PDLIM4: variants seen among roughly 807,000 people sequenced by gnomAD.
PDLIM4 encodes the protein PDZ and LIM domain protein 4.
In PDLIM4, 19 loss-of-function variants were observed where a neutral mutation model predicts 31.3. The ratio of observed to expected loss-of-function variants is 0.61; its 90% CI spans 0.42 to 0.89. The LOEUF is 0.89. Among genes scored for constraint, PDLIM4 ranks in the 40% least tolerant of loss-of-function variants. PDLIM4 has a pLI of 0.00. For synonymous variants in PDLIM4, 176 were observed against 190.1 expected, an observed-to-expected ratio of 0.93 and a Z score of 0.61; for missense variants, 442 against 461.1, an observed-to-expected ratio of 0.96 and a Z score of 0.38.
chr5:132,268,608 G>T (rs1285244235), intron 3 of PDLIM4, among the ~76,000 whole-genome samples: 1 of 152,212 alleles, frequency 6.6e-6, no homozygotes, highest in Non-Finnish European at 1.5e-5. Flanking sequence ...ATCCTTCTGG[G>T]TTAGTAGGGT....
Position 132,271,938 on chromosome 5 carries a change from G to A in PDLIM4, c.788+30G>A, listed in dbSNP as rs368641903. The A allele has an allele frequency of 1.3e-5, 20 of 1,593,664 alleles. No individual in the cohort carries two copies. The African/African-American group carries it at 2.0e-4, about 16-fold the overall frequency. On this transcript the variant is annotated intron_variant, in intron 6 of 6. Transcript: ENST00000253754. ...GTAACCGCCCCCGCTGCCCCTCCCG[G>A]ACCCTAGCCTTCCAGGGCCCTGGAT...
In PDLIM4 at chr5:132,271,786, T is replaced by A. The variant is rs767992186; in HGVS notation, c.671-5T>A. The A allele has an allele frequency of 6.3e-7, 1 of 1,595,348 alleles. No homozygotes were observed. Among genetic ancestry groups the A allele is most frequent in the Non-Finnish European group, 8.6e-7 (1 of 1,163,452 alleles). ...CGTTCATGCCACCTACGCTCCGGGT[T>A]TCAGGGGATTGGCCCGGGCCTGGCG... On this transcript the variant is annotated splice_polypyrimidine_tract_variant and splice_region_variant and intron_variant, in intron 5 of 6. Coordinates refer to ENST00000253754, the MANE Select transcript of PDLIM4 (RefSeq NM_003687.4).
At chr5:132,264,645 A>C (rs1026243213) in intron 2 of PDLIM4, among the ~76,000 whole-genome samples, 9 of 151,890 alleles carry the variant, frequency 5.9e-5, no homozygotes, top group African/African-American at 2.2e-4. Flanking sequence ...TGACTTTCTG[A>C]GCCAACATTT....
intron 5 of PDLIM4, 101 bp downstream of exon 5, chr5:132,271,567 C>T (rs1333448699): frequency 2.3e-6 from 3 of 1,281,400 alleles, no homozygotes; most frequent in East Asian, 2.4e-5. Flanking sequence ...CACCTGCCCT[C>T]TTCGGTCTCT....
At chr5:132,264,933 A>G (rs933111876) in intron 2 of PDLIM4, among the ~76,000 whole-genome samples, 3 of 152,030 alleles carry the variant, frequency 2.0e-5, no homozygotes, top group African/African-American at 7.3e-5. Context: ...CACAGAATGA[A>G]AAGTGTATCA....
chr5:132,265,998 G>C (rs1756483432), intron 2 of PDLIM4, among the ~76,000 whole-genome samples: 1 of 152,228 alleles, frequency 6.6e-6, no homozygotes, highest in East Asian at 1.9e-4. Flanking sequence ...ACCCCTCAGA[G>C]CCTCCATTCC....
intron 1 of PDLIM4, among the ~76,000 whole-genome samples, chr5:132,258,593 C>G (rs764068169): frequency 1.3e-5 from 2 of 152,144 alleles, no homozygotes; most frequent in Non-Finnish European, 2.9e-5. Context: ...GACTCAGGCC[C>G]TGTTCGAGGG....
At chr5:132,260,969 G>A (rs1018592284) in intron 1 of PDLIM4, among the ~76,000 whole-genome samples, 2 of 152,158 alleles carry the variant, frequency 1.3e-5, no homozygotes, top group African/African-American at 2.4e-5. Context: ...GCAGTTAGCC[G>A]CCCCCTGAAG....
chr5:132,272,332 A>T lies in PDLIM4; in HGVS notation c.*103A>T. ...ATAAAGCTCCTCTGCTCCACCTTGAACCTGTCACCTGGCCTGCCACCCTCC... is the reference window on the plus strand; with the variant it reads ...ATAAAGCTCCTCTGCTCCACCTTGATCCTGTCACCTGGCCTGCCACCCTCC... On this transcript the variant is annotated 3_prime_UTR_variant, in exon 7 of 7. Transcript: ENST00000253754. 1 of 957,158 alleles carries T rather than the reference A, an allele frequency of 1.0e-6. No homozygotes were observed. The highest frequency in any genetic ancestry group is 1.6e-5 in the African/African-American group (1 of 62,054). 59.3% of individuals were successfully genotyped at this position (957,158 alleles called of 1,614,324 possible).
At position 132,272,008 on chromosome 5, in the gene PDLIM4, C is replaced by T. The variant is rs201743428; in HGVS notation, c.789-17C>T. ...CATCAGTCACTCGACGCTGTCCTGT[C>T]TCGTTCCCCCCATCAGGGGCACCAT... is the stretch of plus-strand genomic sequence containing the variant. On this transcript the variant is annotated splice_polypyrimidine_tract_variant and intron_variant, in intron 6 of 6. Coordinates refer to ENST00000253754, the MANE Select transcript of PDLIM4 (RefSeq NM_003687.4). 1.7e-4 allele frequency: 278 copies of T among 1,612,704 alleles called. 2 individuals carry two copies. In the Admixed American group the frequency reaches 2.1e-3, roughly 12 times the overall value.
intron 4 of PDLIM4, 37 bp from the exon 5 acceptor site, chr5:132,271,266 T>C (rs1388103425): frequency 1.9e-6 from 3 of 1,567,714 alleles, no homozygotes; most frequent in Non-Finnish European, 1.7e-6. Context: ...AGGCTGGAAC[T>C]GCATCCCTTC....
intron 5 of PDLIM4, 161 bp downstream of exon 5, chr5:132,271,627 C>T (rs162885): frequency 0.032 from 29,619 of 939,914 alleles, 1,650 homozygotes; most frequent in East Asian, 0.19. Context: ...CCTGGCTTCC[C>T]GATTCCCTCT....
intron 2 of PDLIM4, among the ~76,000 whole-genome samples, chr5:132,266,048 A>G (rs908567575): frequency 1.3e-5 from 2 of 151,908 alleles, no homozygotes; most frequent in Non-Finnish European, 2.9e-5. Context: ...CCCACACCCC[A>G]CCAGAGGCTG....
rs752465463 is a variant in PDLIM4 at position 132,266,591 on chromosome 5, A to C, written c.327+46A>C. Reference sequence around the variant, plus strand: ...GCCTGGCCTGGCTCAGAGTGAGCCCAGGGCAGAGGGGCCAGCATGCAGGTT... The same window carrying C: ...GCCTGGCCTGGCTCAGAGTGAGCCCCGGGCAGAGGGGCCAGCATGCAGGTT... On this transcript the variant is annotated intron_variant, in intron 3 of 6. Transcript: ENST00000253754. 6 of 1,303,358 alleles carry C rather than the reference A, an allele frequency of 4.6e-6. No homozygotes were observed. In the East Asian group the frequency reaches 9.5e-5, roughly 21 times the overall value. The allele number at this position is 1,303,358 out of a possible 1,614,324, so 80.7% of individuals were successfully genotyped here. A position where few individuals can be genotyped will look rare whatever the true frequency, so the allele number is the denominator to read the frequency against.
At chr5:132,260,159 G>A (rs186603470) in intron 1 of PDLIM4, among the ~76,000 whole-genome samples, 1 of 152,316 alleles carries the variant, frequency 6.6e-6, no homozygotes, top group African/African-American at 2.4e-5. Context: ...GTAGGACAAT[G>A]TGGCACCTGG....
At chr5:132,263,750 C>T (rs1211108832) in intron 2 of PDLIM4, among the ~76,000 whole-genome samples, 1 of 152,238 alleles carries the variant, frequency 6.6e-6, no homozygotes, top group Non-Finnish European at 1.5e-5. Flanking sequence ...TGCCTCTGAG[C>T]TGGCAGGGTG....
intron 1 of PDLIM4, among the ~76,000 whole-genome samples, chr5:132,261,247 C>T (rs1290307122): frequency 1.3e-5 from 2 of 152,170 alleles, no homozygotes; most frequent in Non-Finnish European, 2.9e-5. Flanking sequence ...TGCACAGGTG[C>T]CCAGGCCCTA....
chr5:132,263,140 C>G (rs1391906695), intron 2 of PDLIM4, among the ~76,000 whole-genome samples: 1 of 152,180 alleles, frequency 6.6e-6, no homozygotes, highest in African/African-American at 2.4e-5. Flanking sequence ...ATTTAACCCT[C>G]ATTTACCAAC....
At position 132,271,047 on chromosome 5, in the gene PDLIM4, AC is replaced by A; in HGVS notation, c.463del (p.Leu155CysfsTer5). 6.2e-7 allele frequency: 1 copy of A among 1,613,924 alleles called. No homozygotes were observed. On this transcript the variant is annotated frameshift_variant, in exon 4 of 7. Coordinates refer to ENST00000253754, the MANE Select transcript of PDLIM4 (RefSeq NM_003687.4). LOFTEE classifies it high-confidence loss of function. The part of the protein sequence containing the change: ...PVPHNGSSEA[T>X]LPAQMSTLHV... Reference sequence around the variant, plus strand: ...CCCTCACAATGGCAGCAGCGAGGCCACCCTGCCAGCCCAGATGAGCACCCTG... The same window carrying A: ...CCCTCACAATGGCAGCAGCGAGGCCACCTGCCAGCCCAGATGAGCACCCTG...
Sources: allele counts gnomAD v4.1 joint callset (sites outside exome capture counted in the v4.1 genomes callset), GRCh38; gene constraint gnomAD v4.1.1; transcripts MANE v1.5; gene names NCBI Gene and HGNC (gene_info 2026-07-23, HGNC 2026-07-21).